MOG: variants seen among roughly 807,000 people sequenced by gnomAD.
MOG encodes the protein myelin-oligodendrocyte glycoprotein.
In MOG, 20 loss-of-function variants were observed where a neutral mutation model predicts 35.9. The ratio of observed to expected loss-of-function variants is 0.56; its 90% CI spans 0.39 to 0.81. MOG has a LOEUF of 0.81. MOG is among the 30% of genes least tolerant of loss of function. The pLI is 0.00. For synonymous variants in MOG, 92 were observed against 114.3 expected, an observed-to-expected ratio of 0.80 and a Z score of 1.25; for missense variants, 251 against 301.0, an observed-to-expected ratio of 0.83 and a Z score of 1.23.
At chr6:29,667,858 T>C (rs1392109960) in intron 4 of MOG, 46 bp from the exon 5 acceptor site, 11 of 1,610,736 alleles carry the variant, frequency 6.8e-6, no homozygotes, top group African/African-American at 1.3e-5. Context: ...TAAAAGATCC[T>C]TTTTGAGTGC....
chr6:29,667,829 AAAT>A, intron 4 of MOG, 72 bp from the exon 5 acceptor site: 3 of 1,582,822 alleles, frequency 1.9e-6, no homozygotes, highest in Non-Finnish European at 2.6e-6. Flanking sequence ...TTAAGTAATT[AAAT>A]AACAAAGACT....
intron 4 of MOG, 109 bp from the exon 5 acceptor site, chr6:29,667,795 G>T (rs1770543315): frequency 6.6e-7 from 1 of 1,524,270 alleles, no homozygotes; most frequent in Non-Finnish European, 9.1e-7. Flanking sequence ...CTCTACAGTG[G>T]GTGTGTCGTG....
At chr6:29,664,162 T>C (rs1769607647) in intron 2 of MOG, among the ~76,000 whole-genome samples, 1 of 152,190 alleles carries the variant, frequency 6.6e-6, no homozygotes, top group South Asian at 2.1e-4. Context: ...GTTCAGTTAC[T>C]GAATCCTGTG....
intron 5 of MOG, among the ~76,000 whole-genome samples, chr6:29,669,314 TTTTGAGATGAAG>T (rs1445763223): frequency 6.6e-6 from 1 of 151,410 alleles, no homozygotes; most frequent in Non-Finnish European, 1.5e-5. Context: ...CTTTCTTTTT[TTTTGAGATGAAG>T]TTTTTTTGAG....
chr6:29,659,275 G>T (rs917069136), intron 1 of MOG, 44 bp from the exon 2 acceptor site: 3 of 1,599,408 alleles, frequency 1.9e-6, no homozygotes, highest in Admixed American at 1.7e-5. Context: ...GCTTGCCAAG[G>T]TTCCCTCTGA....
chr6:29,659,726 C>G, intron 2 of MOG, 60 bp downstream of exon 2: 1 of 1,384,934 alleles, frequency 7.2e-7, no homozygotes, highest in South Asian at 1.2e-5. Context: ...CAATTATTCT[C>G]TCAACTGAGA....
Position 29,671,368 on chromosome 6 carries a change from C to A in MOG, c.*183C>A, listed in dbSNP as rs781450479. 2 of 1,612,304 alleles carry A rather than the reference C, an allele frequency of 1.2e-6. No homozygotes were observed. The highest frequency in any genetic ancestry group is 1.7e-6 in the Non-Finnish European group (2 of 1,179,658). On this transcript the variant is annotated 3_prime_UTR_variant, in exon 8 of 8. Coordinates refer to ENST00000376917, the MANE Select transcript of MOG (RefSeq NM_206809.4). The stretch of plus-strand genomic sequence containing the variant: ...TGATTTCCCTTCTTCTGTCATCTAC[C>A]TTTTCTCTTCATTTTCCCATTTTTA...
Position 29,662,315 on chromosome 6 carries a change from C to G in MOG, c.436+2649C>G. 3.3e-6 allele frequency: 1 copy of G among 306,062 alleles called. No individual in the cohort carries two copies. The highest frequency in any genetic ancestry group is 4.8e-6 in the Non-Finnish European group (1 of 209,316). 19.0% of individuals were successfully genotyped at this position (306,062 alleles called of 1,614,324 possible). A position where few individuals can be genotyped will look rare whatever the true frequency, so the allele number is the denominator to read the frequency against. On this transcript the variant is annotated intron_variant, in intron 2 of 7. Transcript: ENST00000376917. This position sits in a 1 kb window ranked among gnomAD's most constrained non-coding sequence, Gnocchi z 4.2. ...CCTGATCAACATGGAGAAACCCCGT[C>G]TCTACTAAAAAATACAAAATTAGCT... is the stretch of plus-strand genomic sequence containing the variant.
intron 2 of MOG, 35 bp downstream of exon 2, chr6:29,659,701 T>C: frequency 6.4e-7 from 1 of 1,555,868 alleles, no homozygotes; most frequent in Non-Finnish European, 8.8e-7. Context: ...GTATTAACTG[T>C]TGGGTGGCCA....
At position 29,662,209 on chromosome 6, in the gene MOG, C is replaced by T; in HGVS notation, c.436+2543C>T. 3.0e-6 allele frequency: 3 copies of T among 984,174 alleles called. No homozygotes were observed. Among genetic ancestry groups the T allele is most frequent in the Non-Finnish European group, 3.6e-6 (3 of 828,906 alleles). The allele number at this position is 984,174 out of a possible 1,614,324, so 61.0% of individuals were successfully genotyped here. A position where few individuals can be genotyped will look rare whatever the true frequency, so the allele number is the denominator to read the frequency against. On this transcript the variant is annotated intron_variant, in intron 2 of 7. Coordinates refer to ENST00000376917, the MANE Select transcript of MOG (RefSeq NM_206809.4). This position sits in a 1 kb window ranked among gnomAD's most constrained non-coding sequence, Gnocchi z 4.2. The stretch of plus-strand genomic sequence containing the variant: ...ATGAAACATAAAAACAAATGCCAGG[C>T]GCGGCAGCTCACGCCTGTAATCCCA...
chr6:29,660,821 G>T (rs975389157), intron 2 of MOG, among the ~76,000 whole-genome samples: 2 of 149,768 alleles, frequency 1.3e-5, no homozygotes, highest in Non-Finnish European at 3.0e-5. Context: ...TGATTCTCCT[G>T]CCTCAGCCTC....
intron 2 of MOG, 28 bp from the exon 3 acceptor site, chr6:29,666,124 A>G: frequency 7.0e-7 from 1 of 1,432,920 alleles, no homozygotes; most frequent in Non-Finnish European, 9.8e-7. Context: ...AGCTCTGGAC[A>G]ATGTCAAATG....
intron 1 of MOG, 92 bp from the exon 2 acceptor site, chr6:29,659,227 C>A: frequency 1.7e-6 from 2 of 1,159,272 alleles, no homozygotes; most frequent in Non-Finnish European, 2.6e-6. Flanking sequence ...TGTCTTCTTC[C>A]TTCCCTGTTT....
intron 1 of MOG, among the ~76,000 whole-genome samples, chr6:29,657,516 C>T (rs1043277958): frequency 6.6e-5 from 10 of 151,912 alleles, no homozygotes; most frequent in Non-Finnish European, 1.5e-4. Flanking sequence ...CAGAGTCTCC[C>T]TCTGTTGCTC....
rs768493209 is a variant in MOG at position 29,659,443 on chromosome 6, C to T, written c.213C>T (p.Pro71=). ...GCATGGAGGTGGGGTGGTACCGCCC[C>T]CCCTTCTCTAGGGTGGTTCATCTCT... ...ATGMEVGWYR[P]PFSRVVHLYR... is the part of the protein sequence containing the mutation. Residue 71 remains proline, a synonymous_variant, in exon 2 of 8, where the codon CCC becomes CCT. Transcript: ENST00000376917. The T allele has an allele frequency of 1.9e-6, 3 of 1,613,002 alleles. No homozygotes were observed. Among genetic ancestry groups the T allele is most frequent in the Non-Finnish European group, 8.5e-7 (1 of 1,180,030 alleles).
Position 29,671,219 on chromosome 6 carries a change from C to G in MOG, c.*34C>G. On this transcript the variant is annotated 3_prime_UTR_variant, in exon 8 of 8. Coordinates refer to ENST00000376917, the MANE Select transcript of MOG (RefSeq NM_206809.4). ...ACATCTTGGCAGGGGTGGAGGAGAG[C>G]CTGGTTGCCCAGGGATTTGTCCTTG... 1.2e-6 allele frequency: 2 copies of G among 1,612,758 alleles called. No individual in the cohort carries two copies. Among genetic ancestry groups the G allele is most frequent in the Non-Finnish European group, 1.7e-6 (2 of 1,180,028 alleles).
At chr6:29,657,663 CTTTTTTTTTT>C (rs9278226) in intron 1 of MOG, among the ~76,000 whole-genome samples, 3 of 110,010 alleles carry the variant, frequency 2.7e-5, no homozygotes, top group African/African-American at 7.0e-5. Context: ...TTTTTCTTTT[CTTTTTTTTTT>C]TTTTTTTTTT....
Position 29,671,614 on chromosome 6 carries a change from C to G in MOG, c.*429C>G. The stretch of plus-strand genomic sequence containing the variant: ...TCTTCCAAGACTCCAGCCCTGATTG[C>G]GCAAAACTGAAAGGCATGTGAAGGG... On this transcript the variant is annotated 3_prime_UTR_variant, in exon 8 of 8. Transcript: ENST00000376917. 1.5e-6 allele frequency: 1 copy of G among 669,482 alleles called. No homozygotes were observed. The highest frequency in any genetic ancestry group is 1.7e-5 in the South Asian group (1 of 60,012). 41.5% of individuals were successfully genotyped at this position (669,482 alleles called of 1,614,324 possible). A position where few individuals can be genotyped will look rare whatever the true frequency, so the allele number is the denominator to read the frequency against.
intron 5 of MOG, chr6:29,669,985 G>A: frequency 1.5e-6 from 1 of 661,386 alleles, no homozygotes; most frequent in South Asian, 1.7e-5. Context: ...TGGCCTGGCT[G>A]GTCTTGAACT....
Sources: gnomAD v4.1 joint callset for allele counts (sites outside exome capture counted in the v4.1 genomes callset) on GRCh38, gnomAD v4.1.1 for gene constraint, Gnocchi (gnomAD v3.1) non-coding constraint, MANE v1.5 for transcripts, NCBI Gene and HGNC (gene_info 2026-07-23, HGNC 2026-07-21) for gene names.